ZNF749: variants seen among roughly 807,000 people sequenced by gnomAD.
ZNF749 encodes zinc finger protein 749.
In ZNF749, 8 loss-of-function variants were observed where a neutral mutation model predicts 7.3. The observed-to-expected ratio is 1.10, with a 90% CI of 0.64 to 1.98. ZNF749 has a LOEUF of 1.98. Among genes scored for constraint, ZNF749 ranks in the 30% most tolerant of loss-of-function variants. ZNF749 has a pLI of 0.00. For missense variants in ZNF749, 898 were observed against 932.4 expected, an observed-to-expected ratio of 0.96 and a Z score of 0.48; for synonymous variants, 310 against 322.4, an observed-to-expected ratio of 0.96 and a Z score of 0.41.
the ZNF749 span, among the ~76,000 whole-genome samples, chr19:57,430,193 T>C: frequency 6.6e-6 from 1 of 152,210 alleles, no homozygotes; most frequent in African/African-American, 2.4e-5. Context: ...AGACATTTAT[T>C]GGCTCGTAGT....
In ZNF749 at chr19:57,441,988, A is replaced by G. The variant is rs752491268; in HGVS notation, c.119A>G (p.Asn40Ser). ...CTGCACAGCAATGTGATGTTGGAGA[A>G]CTTTGCGCTTTTGTCATCAGTAGGT... is the stretch of plus-strand genomic sequence containing the variant. ...RHLHSNVMLE[N>S]FALLSSVGCW... The change falls in exon 2 of 3, where the codon AAC becomes AGC. Residue 40 changes from asparagine to serine, a missense_variant. Asn to Ser is a conservative substitution (Grantham distance 46). Coordinates refer to ENST00000334181, the MANE Select transcript of ZNF749 (RefSeq NM_001023561.4). The G allele has an allele frequency of 1.2e-6, 2 of 1,614,054 alleles. No individual in the cohort carries two copies. The highest frequency in any genetic ancestry group is 8.5e-7 in the Non-Finnish European group (1 of 1,180,020).
At position 57,442,100 on chromosome 19, in the gene ZNF749, T is replaced by C. The variant is rs1044884838; in HGVS notation, c.142+89T>C. On this transcript the variant is annotated intron_variant, in intron 2 of 2. Transcript: ENST00000334181. The surrounding 1 kb of genome is among the most constrained non-coding windows in gnomAD (Gnocchi z 6.6). Reference sequence around the variant, plus strand: ...ACAACTCTGTCTTTCCCACACCAGATTGTGAGTGCTACGTCCTGTCCTCTC... The same window carrying C: ...ACAACTCTGTCTTTCCCACACCAGACTGTGAGTGCTACGTCCTGTCCTCTC... 20 of 1,531,562 alleles carry C rather than the reference T, an allele frequency of 1.3e-5. No individual in the cohort carries two copies. Among genetic ancestry groups the C allele is most frequent in the Admixed American group, 1.9e-5 (1 of 53,636 alleles). 94.9% of individuals were successfully genotyped at this position (1,531,562 alleles called of 1,614,324 possible). A position where few individuals can be genotyped will look rare whatever the true frequency, so the allele number is the denominator to read the frequency against.
intron 1 of ZNF749, among the ~76,000 whole-genome samples, chr19:57,438,900 G>T (rs2123095633): frequency 6.6e-6 from 1 of 152,318 alleles, no homozygotes; most frequent in East Asian, 1.9e-4. Flanking sequence ...AATGCTTACT[G>T]GTGCGACTTA....
chr19:57,444,257 G>A lies in ZNF749; in HGVS notation c.1109G>A (p.Gly370Asp). 2 of 1,614,082 alleles carry A rather than the reference G, an allele frequency of 1.2e-6. No homozygotes were observed. Among genetic ancestry groups the A allele is most frequent in the Non-Finnish European group, 1.7e-6 (2 of 1,180,000 alleles). Residue 370 changes from glycine (G) to aspartate (D), a missense_variant, in exon 3 of 3, where the codon GGT becomes GAT. Physicochemically the swap from Gly to Asp is moderately conservative, Grantham distance 94 (BLOSUM62 -1). Transcript: ENST00000334181. ...GKLFMDSFTL[G>D]RHQRVHTGER... ...TTGTTTATGGACAGCTTCACACTCG[G>A]TAGACATCAGAGAGTTCATACTGGA...
chr19:57,436,067 G>A lies in ZNF749; in HGVS notation c.15+474G>A, dbSNP rs1368811268. Among the ~76,000 whole-genome samples, 1 of 152,192 alleles carries A rather than the reference G, an allele frequency of 6.6e-6. No individual in the cohort carries two copies. Among genetic ancestry groups the A allele is most frequent in the Non-Finnish European group, 1.5e-5 (1 of 68,042 alleles). ...AGAGGGGAGATGTGATGAGACTCTG[G>A]ATGGATCTCAGAGATAGGGTCAACA... On this transcript the variant is annotated intron_variant, in intron 1 of 2. Transcript: ENST00000334181. This position sits in a 1 kb window ranked among gnomAD's most constrained non-coding sequence, Gnocchi z 4.0.
chr19:57,442,946 T>C lies in ZNF749; in HGVS notation c.143-345T>C, dbSNP rs565428652. Among the ~76,000 whole-genome samples, 1 of 152,312 alleles carries C rather than the reference T, an allele frequency of 6.6e-6. No homozygotes were observed. The highest frequency in any genetic ancestry group is 1.9e-4 in the East Asian group (1 of 5,182). ...GGTGTTATGAGGTCTGCGTGTATCC[T>C]TCAGTAGTCCATGAATACTCGCTCT... On this transcript the variant is annotated intron_variant, in intron 2 of 2. Transcript: ENST00000334181. This position sits in a 1 kb window ranked among gnomAD's most constrained non-coding sequence, Gnocchi z 6.6.
In ZNF749 at chr19:57,442,411, C is replaced by T. The variant is rs553677600; in HGVS notation, c.142+400C>T. ...GGAATTTCAGGCACCTCCCTGGTCA[C>T]CACTTGTGAGGATTGTGAAGTTATT... On this transcript the variant is annotated intron_variant, in intron 2 of 2. Coordinates refer to ENST00000334181, the MANE Select transcript of ZNF749 (RefSeq NM_001023561.4). This position sits in a 1 kb window ranked among gnomAD's most constrained non-coding sequence, Gnocchi z 6.6. Among the ~76,000 whole-genome samples, 5 of 152,292 alleles carry T rather than the reference C, an allele frequency of 3.3e-5. No homozygotes were observed. Among genetic ancestry groups the T allele is most frequent in the South Asian group, 4.1e-4 (2 of 4,822 alleles).
At position 57,445,333 on chromosome 19, in the gene ZNF749, T is replaced by C; in HGVS notation, c.2185T>C (p.Cys729Arg). The change falls in exon 3 of 3, where the codon TGT becomes CGT. Residue 729 changes from cysteine to arginine, a missense_variant. By Grantham distance (180) the Cys-to-Arg change is radical (BLOSUM62 -3). Coordinates refer to ENST00000334181, the MANE Select transcript of ZNF749 (RefSeq NM_001023561.4). ...TGESPFKLRE[C>R]GKDFNKCNTG... ...AGAAAGTCCTTTTAAGTTAAGGGAA[T>C]GTGGGAAAGACTTCAACAAATGTAA... The C allele has an allele frequency of 6.2e-7, 1 of 1,613,868 alleles. No individual in the cohort carries two copies. Among genetic ancestry groups the C allele is most frequent in the Admixed American group, 1.7e-5 (1 of 60,018 alleles).
In ZNF749 at chr19:57,444,475, T is replaced by C. The variant is rs2089034842; in HGVS notation, c.1327T>C (p.Cys443Arg). 1.2e-6 allele frequency: 2 copies of C among 1,613,916 alleles called. No homozygotes were observed. Among genetic ancestry groups the C allele is most frequent in the African/African-American group, 1.3e-5 (1 of 74,922 alleles). ...TGERPYECTECEKAFVRKSHL... is the reference protein window; with the variant it reads ...TGERPYECTEREKAFVRKSHL... Reference sequence around the variant, plus strand: ...AGAACGGCCTTATGAGTGCACTGAATGTGAGAAGGCCTTTGTTAGAAAGTC... The same window carrying C: ...AGAACGGCCTTATGAGTGCACTGAACGTGAGAAGGCCTTTGTTAGAAAGTC... Residue 443 changes from cysteine to arginine, a missense_variant, in exon 3 of 3, where the codon TGT becomes CGT. Transcript: ENST00000334181.
chr19:57,435,766 G>C, intron 1 of ZNF749, 173 bp downstream of exon 1: 1 of 1,303,966 alleles, frequency 7.7e-7, no homozygotes, highest in Non-Finnish European at 1.0e-6. Flanking sequence ...GTCGGAGACC[G>C]ACACGTCTCT....
chr19:57,433,866 C>T (rs1452563309), upstream of ZNF749, among the ~76,000 whole-genome samples: 2 of 152,070 alleles, frequency 1.3e-5, no homozygotes, highest in Non-Finnish European at 2.9e-5. Flanking sequence ...TTTTCTCTCA[C>T]TGCTACTCAA....
chr19:57,441,334 A>G (rs1427700688), intron 1 of ZNF749, among the ~76,000 whole-genome samples: 2 of 152,070 alleles, frequency 1.3e-5, no homozygotes, highest in South Asian at 2.1e-4. Context: ...GTACTGGGGA[A>G]GCACTGAAGA....
chr19:57,441,678 G>A (rs577905991), intron 1 of ZNF749, among the ~76,000 whole-genome samples: 1 of 152,230 alleles, frequency 6.6e-6, no homozygotes, highest in African/African-American at 2.4e-5. Flanking sequence ...GTGGTGACAG[G>A]GCTTGTGTTG....
At position 57,444,462 on chromosome 19, in the gene ZNF749, T is replaced by C. The variant is rs757369363; in HGVS notation, c.1314T>C (p.Tyr438=). The C allele has an allele frequency of 5.6e-6, 9 of 1,613,948 alleles. No homozygotes were observed. In the African/African-American group the frequency reaches 1.2e-4, roughly 22 times the overall value. Residue 438 remains tyrosine, a synonymous_variant, in exon 3 of 3, where the codon TAT becomes TAC. Coordinates refer to ENST00000334181, the MANE Select transcript of ZNF749 (RefSeq NM_001023561.4). The part of the protein sequence containing the change: ...HLKIHTGERP[Y]ECTECEKAFV... ...AAATTCATACTGGAGAACGGCCTTA[T>C]GAGTGCACTGAATGTGAGAAGGCCT...
chr19:57,444,265 CAG>C lies in ZNF749; in HGVS notation c.1122_1123del (p.Arg374SerfsTer9), dbSNP rs1568547188. 1 of 1,614,176 alleles carries C rather than the reference CAG, an allele frequency of 6.2e-7. No homozygotes were observed. Among genetic ancestry groups the C allele is most frequent in the South Asian group, 1.1e-5 (1 of 91,080 alleles). On this transcript the variant is annotated frameshift_variant, in exon 3 of 3. Transcript: ENST00000334181. LOFTEE classifies it low-confidence loss of function (END_TRUNC). The stretch of plus-strand genomic sequence containing the variant: ...GGACAGCTTCACACTCGGTAGACAT[CAG>C]AGAGTTCATACTGGAGAAAGGCCTT... ...FMDSFTLGRH[Q>X]RVHTGERPFE...
rs536993480 is a variant in ZNF749 at position 57,446,679 on chromosome 19, T to A, written c.*1194T>A. On this transcript the variant is annotated 3_prime_UTR_variant, in exon 3 of 3. Coordinates refer to ENST00000334181, the MANE Select transcript of ZNF749 (RefSeq NM_001023561.4). ...AGGACTGTGTTCTGAGTAATCATCT[T>A]AAGGTGATTTTGTCATTGTGTGAAC... Among the ~76,000 whole-genome samples, 26 of 152,302 alleles carry A rather than the reference T, an allele frequency of 1.7e-4. No homozygotes were observed. Among genetic ancestry groups the A allele is most frequent in the African/African-American group, 6.3e-4 (26 of 41,556 alleles).
Position 57,443,404 on chromosome 19 carries a change from T to C in ZNF749, c.256T>C (p.Cys86Arg), listed in dbSNP as rs758693618. The change falls in exon 3 of 3, where the codon TGC (cysteine) becomes CGC (arginine). Residue 86 changes from cysteine (C) to arginine (R), a missense_variant. Cys to Arg is a radical substitution (Grantham distance 180, BLOSUM62 -3). Transcript: ENST00000334181. Reference protein sequence around the residue: ...PALSTLKAQPCKMCSSILKDI... With the variant: ...PALSTLKAQPRKMCSSILKDI... ...TTTGTCCACCCTGAAGGCCCAGCCC[T>C]GCAAGATGTGTAGCTCAATTCTGAA... is the stretch of plus-strand genomic sequence containing the variant. 6.2e-7 allele frequency: 1 copy of C among 1,614,238 alleles called. No individual in the cohort carries two copies. The highest frequency in any genetic ancestry group is 8.5e-7 in the Non-Finnish European group (1 of 1,180,044).
intron 1 of ZNF749, 177 bp downstream of exon 1, chr19:57,435,770 C>A (rs2088929533): frequency 1.6e-6 from 2 of 1,278,874 alleles, no homozygotes; most frequent in Non-Finnish European, 2.1e-6. Context: ...GAGACCGACA[C>A]GTCTCTGGGG....
At position 57,438,743 on chromosome 19, in the gene ZNF749, T is replaced by C. The variant is rs554480870; in HGVS notation, c.16-3142T>C. On this transcript the variant is annotated intron_variant, in intron 1 of 2. Transcript: ENST00000334181. ...GGAAAGGTGGTGTCCTGAAACTTCA[T>C]GTTTTTCCCTTCCTTGGGTCTGAAG... Among the ~76,000 whole-genome samples, 3 of 152,300 alleles carry C rather than the reference T, an allele frequency of 2.0e-5. No homozygotes were observed. In the South Asian group the frequency reaches 6.2e-4, roughly 32 times the overall value.
Sources: allele counts gnomAD v4.1 joint callset (sites outside exome capture counted in the v4.1 genomes callset), GRCh38; gene constraint gnomAD v4.1.1; non-coding constraint Gnocchi (gnomAD v3.1); transcripts MANE v1.5; gene names NCBI Gene and HGNC (gene_info 2026-07-23, HGNC 2026-07-21).